The following ATL2 variants were observed in gnomAD, a reference collection of about 807,000 sequenced individuals.
The protein encoded by ATL2 is atlastin GTPase 2.
ATL2 carries 31 observed loss-of-function variants against 73.9 expected under a neutral mutation model. That is an observed-to-expected ratio of 0.42 (90% CI 0.32 to 0.57). The LOEUF (loss-of-function observed/expected upper bound fraction) is 0.57. Among genes scored for constraint, ATL2 ranks in the 20% least tolerant of loss-of-function variants. ATL2 has a pLI of 0.14. For synonymous variants in ATL2, 291 were observed against 237.5 expected, an observed-to-expected ratio of 1.23 and a Z score of -2.07; for missense variants, 738 against 702.6, an observed-to-expected ratio of 1.05 and a Z score of -0.57.
intron 1 of ATL2, among the ~76,000 whole-genome samples, chr2:38,355,395 C>T (rs111825276): frequency 0.043 from 6,493 of 152,196 alleles, 464 homozygotes; most frequent in African/African-American, 0.15. Context: ...GGATTACAGG[C>T]GTGAGCCACT....
chr2:38,334,108 C>T (rs1257635502), intron 2 of ATL2, among the ~76,000 whole-genome samples: 4 of 147,238 alleles, frequency 2.7e-5, no homozygotes, highest in East Asian at 2.0e-4. Context: ...CAGCTCACTG[C>T]AACCTCTGCC....
intron 11 of ATL2, 50 bp from the exon 12 acceptor site, chr2:38,298,625 A>G (rs1473965221): frequency 1.9e-6 from 3 of 1,543,318 alleles, no homozygotes; most frequent in East Asian, 4.5e-5. Flanking sequence ...TTAACACTTG[A>G]AAGAAGTTCC....
intron 1 of ATL2, among the ~76,000 whole-genome samples, chr2:38,355,674 GATAA>G (rs1445854031): frequency 6.7e-6 from 1 of 149,292 alleles, no homozygotes; most frequent in East Asian, 2.0e-4. Flanking sequence ...AAGAAAAACA[GATAA>G]ATGCATAGTC....
In ATL2 at chr2:38,315,277, T is replaced by G. The variant is rs1255395404; in HGVS notation, c.654+7A>C. 1.3e-6 allele frequency: 2 copies of G among 1,482,462 alleles called. No individual in the cohort carries two copies. The highest frequency in any genetic ancestry group is 5.5e-5 in the East Asian group (2 of 36,430). 91.8% of individuals were successfully genotyped at this position (1,482,462 alleles called of 1,614,324 possible). On this transcript the variant is annotated splice_region_variant and intron_variant, in intron 5 of 12. Coordinates refer to ENST00000378954, the MANE Select transcript of ATL2 (RefSeq NM_001135673.4). ...AAAAAATAAAAATTAAAAAAAGAAA[T>G]ACGTACTTGCAAATGTTGAAGATCA...
intron 1 of ATL2, among the ~76,000 whole-genome samples, chr2:38,353,802 T>C (rs779674815): frequency 6.6e-6 from 1 of 152,186 alleles, no homozygotes; most frequent in Admixed American, 6.5e-5. Context: ...AGACAAGGGA[T>C]TGATAGCTTT....
chr2:38,314,530 G>A (rs1667926422), intron 6 of ATL2, 78 bp downstream of exon 6: 2 of 972,060 alleles, frequency 2.1e-6, no homozygotes, highest in Non-Finnish European at 3.2e-6. Context: ...ATATCCTGGT[G>A]TCTCCAAAAT....
intron 4 of ATL2, among the ~76,000 whole-genome samples, chr2:38,316,871 C>G (rs919424811): frequency 3.9e-5 from 6 of 152,054 alleles, no homozygotes; most frequent in African/African-American, 1.4e-4. Flanking sequence ...AGCCAGCTAA[C>G]CTGAGGGGCT....
chr2:38,298,580 A>T lies in ATL2; in HGVS notation c.1201-5T>A, dbSNP rs753497754. The T allele has an allele frequency of 1.6e-5, 26 of 1,609,028 alleles. No homozygotes were observed. Among genetic ancestry groups the T allele is most frequent in the Non-Finnish European group, 2.2e-5 (26 of 1,177,356 alleles). ...AGGCTTGTCCCCTCCACATACCTGGACAGACAGAATTACAGTATTACATGC... is the reference window on the plus strand; with the variant it reads ...AGGCTTGTCCCCTCCACATACCTGGTCAGACAGAATTACAGTATTACATGC... On this transcript the variant is annotated splice_region_variant and splice_polypyrimidine_tract_variant and intron_variant, in intron 11 of 12. Transcript: ENST00000378954.
chr2:38,367,563 C>A (rs998795294), intron 1 of ATL2, among the ~76,000 whole-genome samples: 1 of 118,452 alleles, frequency 8.4e-6, no homozygotes, highest in African/African-American at 3.0e-5. Flanking sequence ...CCACTGCACT[C>A]CAGCCCGGGG....
Position 38,331,217 on chromosome 2 carries a change from G to A in ATL2, c.363+12051C>T, listed in dbSNP as rs535285353. On this transcript the variant is annotated intron_variant, in intron 2 of 12. Transcript: ENST00000378954. ...TGGGAGGCCGAGGTGGGCGGATCAC[G>A]AGGTCAAGAGATGGAGACCATCCTG... Among the ~76,000 whole-genome samples, 142 of 152,000 alleles carry A rather than the reference G, an allele frequency of 9.3e-4. No individual in the cohort carries two copies. In the Middle Eastern group the frequency reaches 0.01, roughly 11 times the overall value.
chr2:38,369,912 GA>G (rs1671568436), intron 1 of ATL2, among the ~76,000 whole-genome samples: 1 of 151,696 alleles, frequency 6.6e-6, no homozygotes, highest in Non-Finnish European at 1.5e-5. Flanking sequence ...AGCACTTTGG[GA>G]AGCCGAGGCA....
In ATL2 at chr2:38,298,216, A is replaced by G. The variant is rs772304041; in HGVS notation, c.1560T>C (p.Tyr520=). The G allele has an allele frequency of 4.3e-6, 7 of 1,614,162 alleles. No homozygotes were observed. Among genetic ancestry groups the G allele is most frequent in the Non-Finnish European group, 4.2e-6 (5 of 1,179,996 alleles). ...CTCTGAACTCCCCAGAGTATTTAAC[A>G]TATGCCCAAGTACAAAGAAATATCA... ...LALIFLCTWA[Y]VKYSGEFREI... The change falls in exon 12 of 13, where the codon TAT becomes TAC. Residue 520 remains tyrosine (Y), a synonymous_variant. Transcript: ENST00000378954.
intron 2 of ATL2, among the ~76,000 whole-genome samples, chr2:38,319,615 AAG>A (rs74780180): frequency 6.7e-5 from 10 of 149,502 alleles, no homozygotes; most frequent in African/African-American, 1.3e-4. Flanking sequence ...AAAAAAAAAA[AAG>A]AGAGAGAGAG....
chr2:38,347,627 G>A (rs1401643238), intron 1 of ATL2, among the ~76,000 whole-genome samples: 1 of 151,974 alleles, frequency 6.6e-6, no homozygotes, highest in Non-Finnish European at 1.5e-5. Flanking sequence ...ACTAAAGTAA[G>A]GATCCCAATC....
intron 2 of ATL2, among the ~76,000 whole-genome samples, chr2:38,341,101 T>C (rs1371291448): frequency 6.6e-6 from 1 of 152,220 alleles, no homozygotes; most frequent in Non-Finnish European, 1.5e-5. Flanking sequence ...CCTAGATAAG[T>C]GATCTAAGCT....
intron 1 of ATL2, among the ~76,000 whole-genome samples, chr2:38,365,166 A>ACACAC (rs1553342171): frequency 1.6e-5 from 2 of 123,716 alleles, no homozygotes; most frequent in South Asian, 4.6e-4. Context: ...CACACACACA[A>ACACAC]ATACACACAC....
chr2:38,342,994 T>C (rs888008141), intron 2 of ATL2, among the ~76,000 whole-genome samples: 1 of 151,048 alleles, frequency 6.6e-6, no homozygotes, highest in Non-Finnish European at 1.5e-5. Flanking sequence ...AAAAAAGTTT[T>C]TTTAAGAGTT....
At chr2:38,350,044 T>G (rs1670251770) in intron 1 of ATL2, among the ~76,000 whole-genome samples, 1 of 152,228 alleles carries the variant, frequency 6.6e-6, no homozygotes, top group Non-Finnish European at 1.5e-5. Flanking sequence ...TATGTAAATT[T>G]CATTAGGATA....
intron 8 of ATL2, 25 bp from the exon 9 acceptor site, chr2:38,309,531 A>AT (rs1558393987): frequency 6.3e-7 from 1 of 1,595,478 alleles, no homozygotes; most frequent in South Asian, 1.1e-5. Context: ...ATTGAGCAAC[A>AT]TATTAGTCCA....
Sources: allele counts gnomAD v4.1 joint callset (sites outside exome capture counted in the v4.1 genomes callset), GRCh38; gene constraint gnomAD v4.1.1; transcripts MANE v1.5; gene names NCBI Gene and HGNC (gene_info 2026-07-23, HGNC 2026-07-21).